FBXL20: variants seen among roughly 807,000 people sequenced by gnomAD.
FBXL20 encodes the protein F-box and leucine rich repeat protein 20, also known as F-box/LRR-repeat protein 20.
Under a neutral mutation model 64.0 loss-of-function variants are expected in FBXL20, and 11 were observed. That is an observed-to-expected ratio of 0.17 (90% confidence interval 0.11 to 0.28). The LOEUF is 0.28. FBXL20 is among the 10% of genes least tolerant of loss of function. The probability of loss-of-function intolerance (pLI) is 1.00; values close to 1 mark genes in which losing one functional copy is unlikely to be tolerated. For synonymous variants in FBXL20, 184 were observed against 189.0 expected, an observed-to-expected ratio of 0.97 and a Z score of 0.22; for missense variants, 303 against 526.2, an observed-to-expected ratio of 0.58 and a Z score of 4.15.
At chr17:39,271,666 A>T (rs1258894568) in intron 10 of FBXL20, among the ~76,000 whole-genome samples, 1 of 151,624 alleles carries the variant, frequency 6.6e-6, no homozygotes, top group Non-Finnish European at 1.5e-5. Context: ...CCCAAATATG[A>T]AATTCTAGAC....
chr17:39,313,963 T>C (rs35152961), intron 2 of FBXL20, among the ~76,000 whole-genome samples: 7,902 of 152,248 alleles, frequency 0.052, 665 homozygotes, highest in African/African-American at 0.18. Context: ...ATACACACTT[T>C]AAAGTGCATA....
chr17:39,352,664 G>C (rs1182583449), intron 1 of FBXL20, among the ~76,000 whole-genome samples: 1 of 138,980 alleles, frequency 7.2e-6, no homozygotes, highest in Non-Finnish European at 1.5e-5. Context: ...CTTGGCAACA[G>C]AGTGAAGCTC....
At chr17:39,363,417 A>C (rs2047819263) in intron 1 of FBXL20, among the ~76,000 whole-genome samples, 1 of 152,066 alleles carries the variant, frequency 6.6e-6, no homozygotes, top group Non-Finnish European at 1.5e-5. Context: ...TCAGCCTCCC[A>C]AAGTGCTAAG....
At chr17:39,357,600 G>A (rs1049938871) in intron 1 of FBXL20, among the ~76,000 whole-genome samples, 2 of 152,180 alleles carry the variant, frequency 1.3e-5, no homozygotes, top group Non-Finnish European at 1.5e-5. Flanking sequence ...AGGCTAGAGT[G>A]CGGTGGCACA....
chr17:39,313,476 G>T (rs541869024), intron 2 of FBXL20, among the ~76,000 whole-genome samples: 1 of 151,852 alleles, frequency 6.6e-6, no homozygotes, highest in Non-Finnish European at 1.5e-5. Context: ...CGAGTGATCC[G>T]CCCGCCTCGG....
chr17:39,360,330 C>G (rs2047782413), intron 1 of FBXL20, among the ~76,000 whole-genome samples: 1 of 152,108 alleles, frequency 6.6e-6, no homozygotes, highest in African/African-American at 2.4e-5. Context: ...GGTTTCATAA[C>G]AATGTGAATG....
At position 39,264,404 on chromosome 17, in the gene FBXL20, C is replaced by T; in HGVS notation, c.991-17G>A. The T allele has an allele frequency of 1.2e-6, 2 of 1,607,006 alleles. No individual in the cohort carries two copies. The highest frequency in any genetic ancestry group is 1.1e-5 in the South Asian group (1 of 90,928). On this transcript the variant is annotated splice_polypyrimidine_tract_variant and intron_variant, in intron 13 of 14. Transcript: ENST00000264658. Reference sequence around the variant, plus strand: ...AGACAGACTCTGCAGCCAAATAGAGCAAGGAAGGATGTTGAAATATCTTCT... The same window carrying T: ...AGACAGACTCTGCAGCCAAATAGAGTAAGGAAGGATGTTGAAATATCTTCT...
intron 1 of FBXL20, among the ~76,000 whole-genome samples, chr17:39,380,027 AAGATATCT>A (rs994769868): frequency 9.2e-5 from 14 of 152,188 alleles, no homozygotes; most frequent in African/African-American, 3.1e-4. Context: ...CTACTTTCAA[AAGATATCT>A]AGAATCCAAT....
chr17:39,314,795 C>CCT (rs2047269347), intron 2 of FBXL20, among the ~76,000 whole-genome samples: 1 of 125,964 alleles, frequency 7.9e-6, no homozygotes, highest in Admixed American at 8.6e-5. Flanking sequence ...ATATCCTTTT[C>CCT]TTTTTTTTTT....
Position 39,285,506 on chromosome 17 carries a change from T to C in FBXL20, c.466A>G (p.Ile156Val), listed in dbSNP as rs752312463. 3.5e-5 allele frequency: 56 copies of C among 1,603,420 alleles called. No individual in the cohort carries two copies. Among genetic ancestry groups the C allele is most frequent in the South Asian group, 7.9e-5 (7 of 88,262 alleles). Reference protein sequence around the residue: ...RHLDLASCTSITNMSLKALSE... With the variant: ...RHLDLASCTSVTNMSLKALSE... Reference sequence around the variant, plus strand: ...AGAGCTTTTAGAGACATGTTTGTTATTGATGTACAGGAAGCCAAGTCAAGG... The same window carrying C: ...AGAGCTTTTAGAGACATGTTTGTTACTGATGTACAGGAAGCCAAGTCAAGG... The change falls in exon 7 of 15, where the codon ATA (isoleucine) becomes GTA (valine). Residue 156 changes from isoleucine to valine, a missense_variant. Around this residue, in one of 3 missense-constraint regions of FBXL20, gnomAD observed 246 missense variants for 422.6 expected, o/e 0.58. Transcript: ENST00000264658.
In FBXL20 at chr17:39,297,312, G is replaced by A. The variant is rs182903838; in HGVS notation, c.330-117C>T. 1,938 of 529,482 alleles carry A rather than the reference G, an allele frequency of 3.7e-3. 5 individuals are homozygous for A. The highest frequency in any genetic ancestry group is 5.0e-3 in the Non-Finnish European group (1,528 of 303,336). 32.8% of individuals were successfully genotyped at this position (529,482 alleles called of 1,614,324 possible). A position where few individuals can be genotyped will look rare whatever the true frequency, so the allele number is the denominator to read the frequency against. On this transcript the variant is annotated intron_variant, in intron 5 of 14. Coordinates refer to ENST00000264658, the MANE Select transcript of FBXL20 (RefSeq NM_032875.3). The stretch of plus-strand genomic sequence containing the variant: ...TGATTGTTGATATCTGTGATACTGT[G>A]ATATAAAGGAAAAACATGTATTTGG...
At chr17:39,306,414 ACTCAATGTCATGAAGTTTTTCTC>A (rs2144467368) in intron 2 of FBXL20, among the ~76,000 whole-genome samples, 1 of 152,090 alleles carries the variant, frequency 6.6e-6, no homozygotes, top group South Asian at 2.1e-4. Context: ...TCACTGCTAA[ACTCAATGTCATGAAGTTTTTCTC>A]CTGTTTTCTT....
intron 4 of FBXL20, among the ~76,000 whole-genome samples, chr17:39,299,685 G>A (rs555794273): frequency 6.6e-6 from 1 of 152,202 alleles, no homozygotes; most frequent in Non-Finnish European, 1.5e-5. Context: ...GGAGGCTGAG[G>A]CAGGAGAATG....
chr17:39,280,401 CAA>C (rs369912448), intron 9 of FBXL20, among the ~76,000 whole-genome samples: 73,839 of 99,854 alleles, frequency 0.74, 26,435 homozygotes, highest in South Asian at 0.88. Flanking sequence ...GACTCTGTCT[CAA>C]AAAAAAAAAA....
upstream of FBXL20, chr17:39,401,704 G>A (rs1436282101): frequency 6.0e-6 from 7 of 1,159,142 alleles, no homozygotes; most frequent in Non-Finnish European, 5.3e-6. Flanking sequence ...AGAGCCGCCC[G>A]GGCCTCGGAG....
chr17:39,307,326 A>C (rs2047192158), intron 2 of FBXL20, among the ~76,000 whole-genome samples: 1 of 152,170 alleles, frequency 6.6e-6, no homozygotes, highest in Non-Finnish European at 1.5e-5. Flanking sequence ...AATGTGATAG[A>C]AGGGTGGTCA....
intron 2 of FBXL20, among the ~76,000 whole-genome samples, chr17:39,321,792 A>T (rs1245459303): frequency 6.6e-6 from 1 of 151,800 alleles, no homozygotes; most frequent in African/African-American, 2.4e-5. Context: ...AAAAAAAAAA[A>T]AAAAACAAAA....
At chr17:39,276,014 A>C (rs1169215784) in intron 9 of FBXL20, among the ~76,000 whole-genome samples, 1 of 151,854 alleles carries the variant, frequency 6.6e-6, no homozygotes, top group Non-Finnish European at 1.5e-5. Flanking sequence ...TGGGAGGCTG[A>C]GGTGGGTGGA....
intron 1 of FBXL20, among the ~76,000 whole-genome samples, chr17:39,375,361 A>G (rs1428070407): frequency 3.3e-5 from 5 of 152,172 alleles, no homozygotes; most frequent in Non-Finnish European, 7.3e-5. Context: ...AAATGCCACA[A>G]TAAGAAACAA....
Sources: gnomAD v4.1 joint callset for allele counts (sites outside exome capture counted in the v4.1 genomes callset) on GRCh38, gnomAD v4.1.1 for gene constraint, gnomAD v4.1.1 regional missense constraint, MANE v1.5 for transcripts, NCBI Gene and HGNC (gene_info 2026-07-23, HGNC 2026-07-21) for gene names.